SECISBP2L: variants seen among roughly 807,000 people sequenced by gnomAD.
The protein encoded by SECISBP2L is SECIS binding protein 2 like.
In SECISBP2L, 43 loss-of-function variants were observed where a neutral mutation model predicts 114.7. The observed-to-expected ratio is 0.38, with a 90% confidence interval of 0.29 to 0.48. The LOEUF (loss-of-function observed/expected upper bound fraction) is 0.48. Among genes scored for constraint, SECISBP2L ranks in the 20% least tolerant of loss-of-function variants. The pLI, the probability that SECISBP2L is intolerant of heterozygous loss-of-function variation, is 0.98. For missense variants in SECISBP2L, 1,136 were observed against 1,301.1 expected, an observed-to-expected ratio of 0.87 and a Z score of 1.95; for synonymous variants, 451 against 439.7, an observed-to-expected ratio of 1.03 and a Z score of -0.32.
intron 11 of SECISBP2L, among the ~76,000 whole-genome samples, chr15:49,014,370 C>T (rs758770366): frequency 5.3e-5 from 8 of 152,078 alleles, no homozygotes; most frequent in Non-Finnish European, 7.3e-5. Flanking sequence ...TTTTTCTTTC[C>T]CCCAACAATC....
chr15:49,045,003 C>A (rs902262933), intron 1 of SECISBP2L, among the ~76,000 whole-genome samples: 1 of 152,076 alleles, frequency 6.6e-6, no homozygotes, highest in African/African-American at 2.4e-5. Context: ...ATGATAGATA[C>A]CTTCAAAAAT....
intron 3 of SECISBP2L, among the ~76,000 whole-genome samples, chr15:49,033,669 G>A (rs530623548): frequency 2.1e-4 from 32 of 151,940 alleles, no homozygotes; most frequent in African/African-American, 7.0e-4. Context: ...ACCCCCAATC[G>A]CTACAAAACA....
chr15:49,009,271 C>G lies in SECISBP2L; in HGVS notation c.1972G>C (p.Gly658Arg), dbSNP rs756559290. 1 of 1,614,138 alleles carries G rather than the reference C, an allele frequency of 6.2e-7. No homozygotes were observed. Among genetic ancestry groups the G allele is most frequent in the African/African-American group, 1.3e-5 (1 of 75,044 alleles). The change falls in exon 14 of 18, where the codon GGC becomes CGC. Residue 658 changes from glycine to arginine, a missense_variant. Physicochemically the swap from Gly to Arg is moderately radical, Grantham distance 125. This residue lies in a region of SECISBP2L where 684 missense variants were observed against 848.7 expected (regional missense o/e 0.81). Coordinates refer to ENST00000559471, the MANE Select transcript of SECISBP2L (RefSeq NM_001193489.2). The part of the protein sequence containing the change: ...SQGSPASSGI[G>R]SPMASSTITK... Reference sequence around the variant, plus strand: ...ATTGTTGAAGATGCCATTGGACTGCCTATTCCAGAACTAGCAGGAGAGCCT... The same window carrying G: ...ATTGTTGAAGATGCCATTGGACTGCGTATTCCAGAACTAGCAGGAGAGCCT...
chr15:49,035,152 T>C (rs1310402653), intron 3 of SECISBP2L, among the ~76,000 whole-genome samples, 182 bp downstream of exon 3: 1 of 152,200 alleles, frequency 6.6e-6, no homozygotes, highest in Non-Finnish European at 1.5e-5. Context: ...CAATTAAGAA[T>C]GAGGAACAAA....
At chr15:48,995,234 A>G (rs1237479580) in intron 17 of SECISBP2L, among the ~76,000 whole-genome samples, 1 of 152,250 alleles carries the variant, frequency 6.6e-6, no homozygotes, top group South Asian at 2.1e-4. Context: ...TTCACTATAT[A>G]GAGAGGATCG....
At chr15:49,018,256 A>T (rs892797353) in intron 8 of SECISBP2L, among the ~76,000 whole-genome samples, 35 of 139,924 alleles carry the variant, frequency 2.5e-4, no homozygotes, top group African/African-American at 8.6e-4. Flanking sequence ...CATATTATTG[A>T]TTTTTTTTTT....
At chr15:49,003,975 C>T (rs1248200342) in intron 14 of SECISBP2L, among the ~76,000 whole-genome samples, 1 of 152,070 alleles carries the variant, frequency 6.6e-6, no homozygotes, top group East Asian at 1.9e-4. Flanking sequence ...GGTAGGAGTC[C>T]CTCTTTTTCT....
chr15:49,029,407 T>C (rs187107978), intron 4 of SECISBP2L, among the ~76,000 whole-genome samples: 1 of 152,338 alleles, frequency 6.6e-6, no homozygotes, highest in Admixed American at 6.5e-5. Flanking sequence ...TCATATAATT[T>C]TCCAGTTTCT....
At chr15:49,024,219 TG>T (rs1484226558) in intron 7 of SECISBP2L, among the ~76,000 whole-genome samples, 1 of 152,114 alleles carries the variant, frequency 6.6e-6, no homozygotes, top group African/African-American at 2.4e-5. Flanking sequence ...ATCAGTAGGC[TG>T]GGTGCCATGG....
At chr15:48,999,466 C>T (rs1401920197) in intron 16 of SECISBP2L, among the ~76,000 whole-genome samples, 1 of 151,958 alleles carries the variant, frequency 6.6e-6, no homozygotes, top group Non-Finnish European at 1.5e-5. Context: ...CTTTTGTCTC[C>T]TGATTCCTAG....
At chr15:49,004,228 G>C (rs1034868108) in intron 14 of SECISBP2L, among the ~76,000 whole-genome samples, 5 of 152,142 alleles carry the variant, frequency 3.3e-5, no homozygotes, top group Non-Finnish European at 5.9e-5. Flanking sequence ...TATTTGTATA[G>C]AGCTGTTTAT....
In SECISBP2L at chr15:49,015,858, A is replaced by G. The variant is rs114162001; in HGVS notation, c.1561+702T>C. On this transcript the variant is annotated intron_variant, in intron 11 of 17. Transcript: ENST00000559471. ...AAAAAATTTGGGTGAGTCAAAATGC[A>G]TATCAACTGACATTTATGCAGAGAT... 2.6e-3 allele frequency among the ~76,000 whole-genome samples: 394 copies of G among 152,352 alleles called. 1 individual carries two copies. The highest frequency in any genetic ancestry group is 8.9e-3 in the African/African-American group (370 of 41,582).
rs1166294073 is a variant in SECISBP2L at position 48,989,079 on chromosome 15, T to C, written c.*3165A>G. 1.3e-5 allele frequency: 2 copies of C among 152,550 alleles called. No individual in the cohort carries two copies. The highest frequency in any genetic ancestry group is 2.9e-5 in the Non-Finnish European group (2 of 68,240). 9.4% of individuals were successfully genotyped at this position (152,550 alleles called of 1,614,324 possible). A position where few individuals can be genotyped will look rare whatever the true frequency, so the allele number is the denominator to read the frequency against. ...AAAAAGATAAAAATTTTTAAATGAG[T>C]TGATGTTCTAACCTGTTGGCCCAAC... On this transcript the variant is annotated 3_prime_UTR_variant, in exon 18 of 18. Coordinates refer to ENST00000559471, the MANE Select transcript of SECISBP2L (RefSeq NM_001193489.2).
intron 14 of SECISBP2L, among the ~76,000 whole-genome samples, chr15:49,007,364 G>T (rs547427047): frequency 2.0e-5 from 3 of 152,202 alleles, no homozygotes; most frequent in African/African-American, 7.2e-5. Flanking sequence ...CAGCAGACAG[G>T]AACATTTAAC....
At chr15:49,044,452 CCTT>C (rs1021191980) in intron 1 of SECISBP2L, among the ~76,000 whole-genome samples, 2 of 152,110 alleles carry the variant, frequency 1.3e-5, no homozygotes, top group East Asian at 1.9e-4. Flanking sequence ...GAAGCATACT[CCTT>C]CTAGGTCATT....
At position 49,022,596 on chromosome 15, in the gene SECISBP2L, C is replaced by T. The variant is rs368292885; in HGVS notation, c.1036-3044G>A. On this transcript the variant is annotated intron_variant, in intron 7 of 17. Transcript: ENST00000559471. Reference sequence around the variant, plus strand: ...CAGCCTGGGCAACAGAGCAAGACTCCGTCTCAAAAAAAAGATTCAAAAATA... The same window carrying T: ...CAGCCTGGGCAACAGAGCAAGACTCTGTCTCAAAAAAAAGATTCAAAAATA... Among the ~76,000 whole-genome samples, 62 of 151,670 alleles carry T rather than the reference C, an allele frequency of 4.1e-4. No individual in the cohort carries two copies. The East Asian group carries it at 0.01, about 25-fold the overall frequency.
Position 49,012,660 on chromosome 15 carries a change from T to C in SECISBP2L, c.1719A>G (p.Thr573=), listed in dbSNP as rs1902459230. ...EKEIAKLKRP[T]ALKKVILKER... Reference sequence around the variant, plus strand: ...GATTTTGGTTTACCTTTTTAAGTGCTGTGGGTCGTTTTAGTTTTGCAATTT... The same window carrying C: ...GATTTTGGTTTACCTTTTTAAGTGCCGTGGGTCGTTTTAGTTTTGCAATTT... The change falls in exon 12 of 18, where the codon ACA becomes ACG. Residue 573 remains threonine, a synonymous_variant. Transcript: ENST00000559471. 2 of 1,612,960 alleles carry C rather than the reference T, an allele frequency of 1.2e-6. No individual in the cohort carries two copies. The highest frequency in any genetic ancestry group is 1.7e-5 in the Admixed American group (1 of 59,868).
intron 1 of SECISBP2L, among the ~76,000 whole-genome samples, chr15:49,043,288 G>C (rs1903178666): frequency 6.6e-6 from 1 of 152,070 alleles, no homozygotes; most frequent in African/African-American, 2.4e-5. Flanking sequence ...TGAAAAGCTA[G>C]ACAATTTTCT....
chr15:49,023,251 AAAAG>A (rs1902677540), intron 7 of SECISBP2L, among the ~76,000 whole-genome samples: 2 of 152,218 alleles, frequency 1.3e-5, no homozygotes, highest in Admixed American at 1.3e-4. Context: ...TGTACCCCAA[AAAAG>A]AAAGAAATAG....
Sources: allele counts gnomAD v4.1 joint callset (sites outside exome capture counted in the v4.1 genomes callset), GRCh38; gene constraint gnomAD v4.1.1; regional missense constraint gnomAD v4.1.1; transcripts MANE v1.5; gene names NCBI Gene and HGNC (gene_info 2026-07-23, HGNC 2026-07-21).